SYNRG: variants seen among roughly 807,000 people sequenced by gnomAD.
SYNRG encodes the protein AP1 gamma subunit binding protein 1.
SYNRG carries 37 observed loss-of-function variants against 130.9 expected under a neutral mutation model. The ratio of observed to expected loss-of-function variants is 0.28; its 90% CI spans 0.22 to 0.37. The LOEUF (loss-of-function observed/expected upper bound fraction) is 0.37, where lower values mean the gene tolerates loss of function less well. Ranked by LOEUF, SYNRG falls within the 10% of genes least tolerant of loss-of-function variation. SYNRG has a pLI of 1.00. For synonymous variants in SYNRG, 539 were observed against 568.1 expected, an observed-to-expected ratio of 0.95 and a Z score of 0.73; for missense variants, 1,338 against 1,588.9, an observed-to-expected ratio of 0.84 and a Z score of 2.68.
intron 13 of SYNRG, among the ~76,000 whole-genome samples, chr17:37,558,629 T>TGC (rs946690580): frequency 6.6e-5 from 10 of 152,214 alleles, no homozygotes; most frequent in African/African-American, 2.2e-4. Context: ...CCCTCTCTCT[T>TGC]CATCTTTCTC....
chr17:37,584,514 C>A, intron 6 of SYNRG, 134 bp downstream of exon 6: 1 of 678,224 alleles, frequency 1.5e-6, no homozygotes, highest in Non-Finnish European at 2.5e-6. Context: ...TTGAGAACAT[C>A]CAAATCTGTA....
intron 11 of SYNRG, chr17:37,568,551 G>T: frequency 2.5e-6 from 1 of 401,038 alleles, no homozygotes; most frequent in Non-Finnish European, 4.4e-6. Flanking sequence ...TTTGGCACAG[G>T]TAAAAAAGAA....
chr17:37,524,664 G>A (rs2055605978), intron 19 of SYNRG, among the ~76,000 whole-genome samples: 1 of 152,220 alleles, frequency 6.6e-6, no homozygotes, highest in African/African-American at 2.4e-5. Context: ...CGCTTGTTCT[G>A]CAGTCAGTCA....
intron 3 of SYNRG, among the ~76,000 whole-genome samples, chr17:37,592,753 G>A (rs1190063589): frequency 6.6e-6 from 1 of 152,222 alleles, no homozygotes; most frequent in African/African-American, 2.4e-5. Flanking sequence ...AATGCAAAAG[G>A]AGTAAGGTGG....
chr17:37,572,967 T>C (rs972397981), intron 8 of SYNRG, among the ~76,000 whole-genome samples: 8 of 152,224 alleles, frequency 5.3e-5, no homozygotes, highest in Admixed American at 2.6e-4. Flanking sequence ...GGGCATCCTG[T>C]ATGGTTATTT....
intron 15 of SYNRG, chr17:37,541,001 T>C: frequency 1.0e-6 from 1 of 987,154 alleles, no homozygotes; most frequent in Non-Finnish European, 1.2e-6. Flanking sequence ...TCATTCTTTC[T>C]GGGAAGCTAC....
At chr17:37,574,911 C>T (rs1408245126) in intron 8 of SYNRG, among the ~76,000 whole-genome samples, 1 of 151,872 alleles carries the variant, frequency 6.6e-6, no homozygotes, top group East Asian at 1.9e-4. Flanking sequence ...TGTCCATTGA[C>T]AGACGAATGG....
chr17:37,593,383 A>T (rs1408883280), intron 3 of SYNRG, among the ~76,000 whole-genome samples: 1 of 152,104 alleles, frequency 6.6e-6, no homozygotes, highest in African/African-American at 2.4e-5. Flanking sequence ...ACTGCACTCC[A>T]GCCTGGGCAA....
At chr17:37,578,369 C>G (rs1252628273) in intron 6 of SYNRG, among the ~76,000 whole-genome samples, 1 of 152,028 alleles carries the variant, frequency 6.6e-6, no homozygotes, top group African/African-American at 2.4e-5. Context: ...AATTCAATCA[C>G]TGCACATTTG....
chr17:37,519,153 A>C (rs1168164295), intron 21 of SYNRG, 82 bp from the exon 22 acceptor site: 2 of 1,562,186 alleles, frequency 1.3e-6, no homozygotes, highest in Non-Finnish European at 1.7e-6. Context: ...ATGTACATCT[A>C]TCTCTCCAGG....
intron 1 of SYNRG, among the ~76,000 whole-genome samples, chr17:37,606,927 T>C (rs567325261): frequency 6.6e-6 from 1 of 152,224 alleles, no homozygotes; most frequent in East Asian, 1.9e-4. Context: ...AATGTTAAGT[T>C]TCCTTATAAA....
At chr17:37,570,058 A>G (rs80324354) in intron 10 of SYNRG, among the ~76,000 whole-genome samples, 1,652 of 151,488 alleles carry the variant, frequency 0.011, 23 homozygotes, top group African/African-American at 0.038. Context: ...AAATTCTTGT[A>G]TATCTTTGCT....
intron 2 of SYNRG, among the ~76,000 whole-genome samples, chr17:37,596,577 T>G (rs898396367): frequency 1.3e-5 from 2 of 152,336 alleles, no homozygotes. Flanking sequence ...ATCTCTTCTA[T>G]GGAATTTGTA....
intron 11 of SYNRG, among the ~76,000 whole-genome samples, chr17:37,565,709 T>G (rs1445539462): frequency 7.3e-6 from 1 of 137,714 alleles, no homozygotes; most frequent in African/African-American, 2.8e-5. Flanking sequence ...CCATCTGGGA[T>G]GTGAGGAGCG....
At chr17:37,543,823 C>G (rs1031126903) in intron 14 of SYNRG, among the ~76,000 whole-genome samples, 2 of 152,232 alleles carry the variant, frequency 1.3e-5, no homozygotes, top group Admixed American at 1.3e-4. Flanking sequence ...CCAGCCGAGA[C>G]TGAATTTGGC....
intron 19 of SYNRG, 75 bp downstream of exon 19, chr17:37,535,904 T>C (rs2057142675): frequency 1.3e-6 from 2 of 1,582,276 alleles, no homozygotes; most frequent in South Asian, 1.1e-5. Context: ...AGTACCATCA[T>C]AGGAATATAC....
intron 1 of SYNRG, among the ~76,000 whole-genome samples, chr17:37,602,074 G>A (rs906033265): frequency 2.0e-5 from 3 of 151,730 alleles, no homozygotes; most frequent in Non-Finnish European, 2.9e-5. Flanking sequence ...AGTGGCTCAC[G>A]TCTGTAATCC....
At chr17:37,605,292 C>T (rs2147157975) in intron 1 of SYNRG, among the ~76,000 whole-genome samples, 1 of 152,286 alleles carries the variant, frequency 6.6e-6, no homozygotes, top group Admixed American at 6.5e-5. Flanking sequence ...TTTTAAAAAT[C>T]AGGCTTAAAC....
chr17:37,537,531 G>A (rs1182716280), intron 18 of SYNRG: 2 of 152,366 alleles, frequency 1.3e-5, no homozygotes, highest in Non-Finnish European at 2.9e-5. Flanking sequence ...TTGGGAGGCT[G>A]AGGTGGGATG....
Sources: gnomAD v4.1 joint callset for allele counts (sites outside exome capture counted in the v4.1 genomes callset) on GRCh38, gnomAD v4.1.1 for gene constraint, MANE v1.5 for transcripts, NCBI Gene and HGNC (gene_info 2026-07-23, HGNC 2026-07-21) for gene names.